OSMR: variants seen among roughly 807,000 people sequenced by gnomAD.
OSMR encodes oncostatin M receptor, also known as oncostatin-M-specific receptor subunit beta.
A neutral mutation model predicts 99.9 loss-of-function variants in OSMR; 81 were observed. The ratio of observed to expected loss-of-function variants is 0.81; its 90% CI spans 0.68 to 0.97. The LOEUF is 0.97. Ranked by LOEUF, OSMR falls within the 50% of genes least tolerant of loss-of-function variation. OSMR has a pLI of 0.00. For missense variants in OSMR, 1,099 were observed against 1,153.4 expected (o/e 0.95, Z 0.68); for synonymous variants, 406 against 410.4 (o/e 0.99, Z 0.13).
intron 10 of OSMR, among the ~76,000 whole-genome samples, chr5:38,918,385 C>T (rs942881386): frequency 2.0e-5 from 3 of 152,040 alleles, no homozygotes; most frequent in Admixed American, 2.0e-4. Flanking sequence ...CAGAGGAGGG[C>T]TCTGGGTATG....
In OSMR at chr5:38,918,830, T is replaced by C. The variant is rs769750764; in HGVS notation, c.1363-10T>C. On this transcript the variant is annotated splice_polypyrimidine_tract_variant and intron_variant, in intron 10 of 17. Transcript: ENST00000274276. ...ACCCATTTAAAAATGTTTATCAATATTTTTTTCAGCCATTATCAAAACTGC... is the reference window on the plus strand; with the variant it reads ...ACCCATTTAAAAATGTTTATCAATACTTTTTTCAGCCATTATCAAAACTGC... The C allele has an allele frequency of 2.5e-6, 4 of 1,613,064 alleles. No individual in the cohort carries two copies. The African/African-American group carries it at 4.0e-5, about 16-fold the overall frequency.
chr5:38,885,912 G>A (rs1579707944), intron 6 of OSMR, 127 bp from the exon 7 acceptor site: 2 of 1,482,816 alleles, frequency 1.3e-6, no homozygotes, highest in Non-Finnish European at 1.8e-6. Flanking sequence ...GTGATGGATG[G>A]ATCAATGCCA....
rs1334108395 is a variant in OSMR, at chr5:38,899,445, G to A, written c.992-4437G>A. On this transcript the variant is annotated intron_variant, in intron 7 of 17. Coordinates refer to ENST00000274276, the MANE Select transcript of OSMR (RefSeq NM_003999.3). ...CCCCTGTCTCCAAGTTAGTACCTAA[G>A]GTGCAAGACAAAATCCCCTTTACTT... Among the ~76,000 whole-genome samples, 4 of 152,222 alleles carry A rather than the reference G, an allele frequency of 2.6e-5. No individual in the cohort carries two copies. In the East Asian group the frequency reaches 7.8e-4, roughly 30 times the overall value.
rs1398796344 is a variant in OSMR at position 38,935,057 on chromosome 5, ACTC to A, written c.*1616_*1618del. The A allele has an allele frequency of 6.6e-6, 1 of 151,528 alleles. No individual in the cohort carries two copies. Among genetic ancestry groups the A allele is most frequent in the African/African-American group, 2.4e-5 (1 of 41,088 alleles). The allele number at this position is 151,528 out of a possible 1,614,324, so 9.4% of individuals were successfully genotyped here. On this transcript the variant is annotated 3_prime_UTR_variant, in exon 18 of 18. Coordinates refer to ENST00000274276, the MANE Select transcript of OSMR (RefSeq NM_003999.3). ...ACCATGTTGGTCAGGCTGTTCTCGA[ACTC>A]CTGACCTCAGGTGATCTGCCTGCCT...
chr5:38,936,495 A>AGTT (rs1251556521), downstream of OSMR, among the ~76,000 whole-genome samples: 2 of 152,136 alleles, frequency 1.3e-5, no homozygotes, highest in Non-Finnish European at 2.9e-5. Flanking sequence ...TCAAGATGGG[A>AGTT]GTTGGGACCT....
At chr5:38,856,571 CCTT>C (rs1181026632) in intron 1 of OSMR, among the ~76,000 whole-genome samples, 2 of 152,166 alleles carry the variant, frequency 1.3e-5, no homozygotes, top group Admixed American at 6.5e-5. Context: ...CAAAAGCTAA[CCTT>C]CTAGGATTCA....
chr5:38,852,242 A>G (rs1740430825), intron 1 of OSMR, among the ~76,000 whole-genome samples: 1 of 152,222 alleles, frequency 6.6e-6, no homozygotes, highest in East Asian at 1.9e-4. Context: ...ACACAGTGCT[A>G]TAACAGTCTT....
At chr5:38,939,944 T>C (rs2112753097), downstream of OSMR, 1 of 228,380 alleles carries the variant, frequency 4.4e-6, no homozygotes, top group South Asian at 1.8e-4. Flanking sequence ...TACAAACAAG[T>C]ACTCAAAGAA....
intron 8 of OSMR, 137 bp downstream of exon 8, chr5:38,904,161 A>G (rs1745068956): frequency 3.3e-6 from 5 of 1,528,944 alleles, no homozygotes; most frequent in Middle Eastern, 2.0e-4. Context: ...TAAAAGGTCC[A>G]TGAAATTAAT....
chr5:38,880,277 G>A (rs1399585061), intron 3 of OSMR, among the ~76,000 whole-genome samples: 1 of 152,146 alleles, frequency 6.6e-6, no homozygotes, highest in Admixed American at 6.5e-5. Flanking sequence ...CCTTCACTGA[G>A]GACTTATTAT....
In OSMR at chr5:38,923,811, A is replaced by G. The variant is rs61145666; in HGVS notation, c.1870+557A>G. On this transcript the variant is annotated intron_variant, in intron 13 of 17. Transcript: ENST00000274276. ...TTTAGCAGGAGTGGATCCACAGTTT[A>G]CAGTTGGCTCAGAGCAGGCAGGAGG... is the stretch of plus-strand genomic sequence containing the variant. 9.2e-4 allele frequency among the ~76,000 whole-genome samples: 140 copies of G among 152,256 alleles called. No homozygotes were observed. The Middle Eastern group carries it at 0.017, about 18-fold the overall frequency.
In OSMR at chr5:38,921,761, G is replaced by A. The variant is rs551827249; in HGVS notation, c.1732G>A (p.Gly578Ser). 6.2e-7 allele frequency: 1 copy of A among 1,614,066 alleles called. No homozygotes were observed. Among genetic ancestry groups the A allele is most frequent in the South Asian group, 1.1e-5 (1 of 91,068 alleles). ...VLGDFQWKNV[G>S]PNTTSTVIST... ...CGGTGATTTCCAGTGGAAGAATGTA[G>A]GTCCCAATACCACAAGCACAGTCAT... is the stretch of plus-strand genomic sequence containing the variant. The change falls in exon 12 of 18, where the codon GGT becomes AGT. Residue 578 changes from glycine (G) to serine (S), a missense_variant. Physicochemically the swap from Gly to Ser is moderately conservative, Grantham distance 56. Transcript: ENST00000274276.
Position 38,924,635 on chromosome 5 carries a change from A to G in OSMR, c.2044+40A>G, listed in dbSNP as rs377614581. 1.0e-4 allele frequency: 150 copies of G among 1,456,384 alleles called. No homozygotes were observed. In the East Asian group the frequency reaches 2.9e-3, roughly 28 times the overall value. 90.2% of individuals were successfully genotyped at this position (1,456,384 alleles called of 1,614,324 possible). On this transcript the variant is annotated intron_variant, in intron 14 of 17. Transcript: ENST00000274276. ...TAATTTGTTTATTTATTCTTTCAAGATCTCATTATTTGAAATCATTTAAAA... is the reference window on the plus strand; with the variant it reads ...TAATTTGTTTATTTATTCTTTCAAGGTCTCATTATTTGAAATCATTTAAAA...
At chr5:38,944,091 T>A in intron 1 of OSMR, 1 of 377,046 alleles carries the variant, frequency 2.7e-6, no homozygotes, top group South Asian at 2.1e-5. Context: ...ATGCATTAAT[T>A]TATTTTAAAA....
chr5:38,887,833 A>G (rs1175092985), intron 7 of OSMR, among the ~76,000 whole-genome samples: 3 of 152,054 alleles, frequency 2.0e-5, no homozygotes, highest in Non-Finnish European at 2.9e-5. Context: ...ATATTTTTAT[A>G]TTTCTTTAGG....
At chr5:38,916,274 T>G (rs892475521) in intron 9 of OSMR, among the ~76,000 whole-genome samples, 2 of 152,250 alleles carry the variant, frequency 1.3e-5, no homozygotes, top group African/African-American at 4.8e-5. Context: ...TTTTTTTAAA[T>G]GAGAATTTTG....
At chr5:38,942,220 G>T in intron 1 of OSMR, 1 of 769,182 alleles carries the variant, frequency 1.3e-6, no homozygotes, top group African/African-American at 1.7e-5. Flanking sequence ...TTGCTGCCTA[G>T]TCAGTCGTAT....
At chr5:38,918,811 T>G in intron 10 of OSMR, 29 bp from the exon 11 acceptor site, 2 of 1,612,478 alleles carry the variant, frequency 1.2e-6, no homozygotes, top group Non-Finnish European at 1.7e-6. Flanking sequence ...TAAAACCCAT[T>G]TAAAAATGTT....
chr5:38,866,967 T>G (rs1741998761), intron 1 of OSMR, among the ~76,000 whole-genome samples: 1 of 152,160 alleles, frequency 6.6e-6, no homozygotes, highest in Non-Finnish European at 1.5e-5. Flanking sequence ...CTCTCTCTCC[T>G]TCTCAGGGGT....
Sources: allele counts gnomAD v4.1 joint callset (sites outside exome capture counted in the v4.1 genomes callset), GRCh38; gene constraint gnomAD v4.1.1; transcripts MANE v1.5; gene names NCBI Gene and HGNC (gene_info 2026-07-23, HGNC 2026-07-21).